Variants in PSG2 observed in about 807,000 individuals in gnomAD.
The protein encoded by PSG2 is pregnancy specific beta-1-glycoprotein 2, also known as pregnancy-specific beta-1-glycoprotein 2.
A neutral mutation model predicts 36.2 loss-of-function variants in PSG2; 49 were observed. The ratio of observed to expected loss-of-function variants is 1.35; its 90% confidence interval spans 1.08 to 1.72. The LOEUF (loss-of-function observed/expected upper bound fraction) is 1.72. Among genes scored for constraint, PSG2 ranks in the 40% most tolerant of loss-of-function variants. The probability of loss-of-function intolerance (pLI) is 0.00; values close to 1 mark genes in which losing one functional copy is unlikely to be tolerated. For synonymous variants in PSG2, 261 were observed against 155.6 expected (o/e 1.68, Z -5.04); for missense variants, 605 against 407.2 (o/e 1.49, Z -4.18).
rs1186480827 is a variant in PSG2 at position 43,064,227 on chromosome 19, T to G, written c.*415A>C. On this transcript the variant is annotated 3_prime_UTR_variant, in exon 6 of 6. Coordinates refer to ENST00000406487, the MANE Select transcript of PSG2 (RefSeq NM_031246.4). ...TTCTTACTGAACTTGTGCAAATAGC[T>G]TTATTACCATAAACATATGAATACT... 2 of 168,152 alleles carry G rather than the reference T, an allele frequency of 1.2e-5. No homozygotes were observed. Among genetic ancestry groups the G allele is most frequent in the African/African-American group, 4.8e-5 (2 of 41,514 alleles). 10.4% of individuals were successfully genotyped at this position (168,152 alleles called of 1,614,324 possible).
chr19:43,077,759 A>G (rs1187447359), intron 2 of PSG2, among the ~76,000 whole-genome samples: 2 of 151,818 alleles, frequency 1.3e-5, no homozygotes, highest in Non-Finnish European at 2.9e-5. Flanking sequence ...CTGTCAAAAC[A>G]AAATATTAAA....
rs748484412 is a variant in PSG2, at chr19:43,071,956, T to G, written c.710-2A>C. ...GAATTCTGGGGAGGTCTGGACCATC[T>G]GGAGCAAAGAGAATAAAGCCACAGG... On this transcript the variant is annotated splice_acceptor_variant, in intron 3 of 5. Coordinates refer to ENST00000406487, the MANE Select transcript of PSG2 (RefSeq NM_031246.4). LOFTEE classifies it high-confidence loss of function. The G allele has an allele frequency of 3.7e-6, 6 of 1,611,946 alleles. No homozygotes were observed. Among genetic ancestry groups the G allele is most frequent in the Non-Finnish European group, 5.1e-6 (6 of 1,178,946 alleles).
intron 4 of PSG2, among the ~76,000 whole-genome samples, chr19:43,069,012 C>T (rs1188965894): frequency 2.0e-5 from 3 of 151,532 alleles, no homozygotes; most frequent in Non-Finnish European, 4.4e-5. Context: ...AATTCAGTAA[C>T]GTTGCACAAT....
intron 4 of PSG2, among the ~76,000 whole-genome samples, chr19:43,068,143 A>C (rs1967766477): frequency 6.6e-6 from 1 of 151,482 alleles, no homozygotes; most frequent in Non-Finnish European, 1.5e-5. Context: ...TAAAATCAGA[A>C]ATGAAAATGG....
rs373579286 is a variant in PSG2 at position 43,082,455 on chromosome 19, C to A, written c.64+51G>T. 2.6e-5 allele frequency: 41 copies of A among 1,595,044 alleles called. 1 individual carries two copies. The African/African-American group carries it at 5.3e-4, about 21-fold the overall frequency. ...CCCATCCTCTCCAGGAGACCCCATCCAGTCACTCTTCTTCCTCCTCCTGTC... is the reference window on the plus strand; with the variant it reads ...CCCATCCTCTCCAGGAGACCCCATCAAGTCACTCTTCTTCCTCCTCCTGTC... On this transcript the variant is annotated intron_variant, in intron 1 of 5. Coordinates refer to ENST00000406487, the MANE Select transcript of PSG2 (RefSeq NM_031246.4).
At chr19:43,074,211 G>A (rs10420601) in intron 3 of PSG2, among the ~76,000 whole-genome samples, 7,056 of 151,522 alleles carry the variant, frequency 0.047, 739 homozygotes, top group African/African-American at 0.16. Flanking sequence ...ATTTAGGACG[G>A]AGTTTTCTAA....
rs1181076364 is a variant in PSG2 at position 43,075,287 on chromosome 19, G to A, written c.709+67C>T. ...TACTTGGACCTGAGAGGGACTGAGAGGCCTGGCCTCTGGCCATGTGTATTT... is the reference window on the plus strand; with the variant it reads ...TACTTGGACCTGAGAGGGACTGAGAAGCCTGGCCTCTGGCCATGTGTATTT... On this transcript the variant is annotated intron_variant, in intron 3 of 5. Transcript: ENST00000406487. 4.2e-5 allele frequency: 67 copies of A among 1,612,608 alleles called. 2 individuals are homozygous for A. The highest frequency in any genetic ancestry group is 5.6e-5 in the Non-Finnish European group (66 of 1,179,278).
intron 5 of PSG2, chr19:43,065,744 G>GA (rs1967730741): frequency 6.6e-6 from 1 of 151,696 alleles, no homozygotes; most frequent in Admixed American, 6.6e-5. Flanking sequence ...TGATCATCAG[G>GA]AAAAGATCTC....
chr19:43,082,301 T>C lies in PSG2; in HGVS notation c.64+205A>G. ...AATTACAGGAACACACGACAATACC[T>C]GGTTAATTTTTTGTATTTTTAGTAG... On this transcript the variant is annotated intron_variant, in intron 1 of 5. Coordinates refer to ENST00000406487, the MANE Select transcript of PSG2 (RefSeq NM_031246.4). 7 of 730,278 alleles carry C rather than the reference T, an allele frequency of 9.6e-6. 1 individual carries two copies. The South Asian group carries it at 1.3e-4, about 14-fold the overall frequency. 45.2% of individuals were successfully genotyped at this position (730,278 alleles called of 1,614,324 possible). A position where few individuals can be genotyped will look rare whatever the true frequency, so the allele number is the denominator to read the frequency against.
rs770853680 is a variant in PSG2, at chr19:43,081,101, C to A, written c.210G>T (p.Gly70=). Residue 70 remains glycine, a synonymous_variant, in exon 2 of 6, where the codon GGG becomes GGT. Transcript: ENST00000406487. ...QNLTGYIWYK[G]QIRDLYHYIT... ...TGTAATGGTAGAGGTCCCTGATTTG[C>A]CCTTTGTACCAGATGTAGCCAGTAA... is the stretch of plus-strand genomic sequence containing the variant. 6.2e-7 allele frequency: 1 copy of A among 1,612,770 alleles called. No individual in the cohort carries two copies. The highest frequency in any genetic ancestry group is 1.1e-5 in the South Asian group (1 of 91,032).
intron 2 of PSG2, among the ~76,000 whole-genome samples, chr19:43,079,867 G>A (rs569873151): frequency 1.3e-5 from 2 of 151,574 alleles, no homozygotes; most frequent in Admixed American, 1.3e-4. Flanking sequence ...GGAGAGGAAG[G>A]GCCTGTGGCT....
rs1483280384 is a variant in PSG2, at chr19:43,072,603, T to C, written c.710-649A>G. The C allele has an allele frequency of 6.8e-6, 11 of 1,611,604 alleles. No individual in the cohort carries two copies. In the Admixed American group the frequency reaches 1.8e-4, roughly 27 times the overall value. On this transcript the variant is annotated intron_variant, in intron 3 of 5. Coordinates refer to ENST00000406487, the MANE Select transcript of PSG2 (RefSeq NM_031246.4). ...TTCTCCCTGGGGTTTAAGTTGTTGA[T>C]GGTGATTTAGGGCTTGGGCAGCTTC...
chr19:43,079,949 C>T (rs1967948574), intron 2 of PSG2, among the ~76,000 whole-genome samples: 1 of 151,758 alleles, frequency 6.6e-6, no homozygotes, highest in South Asian at 2.1e-4. Context: ...CTGTGCCTTC[C>T]TGTGCCTCAG....
rs1451387548 is a variant in PSG2 at position 43,071,880 on chromosome 19, A to T, written c.784T>A (p.Phe262Ile). 1 of 1,613,070 alleles carries T rather than the reference A, an allele frequency of 6.2e-7. No individual in the cohort carries two copies. The highest frequency in any genetic ancestry group is 8.5e-7 in the Non-Finnish European group (1 of 1,179,510). ...TGTGCCGGTGGGTTAGAGTTCGCGA[A>T]GCAAGACAAGTAGAGGTTATCTCCT... ...RSGDNLYLSC[F>I]ANSNPPAQYS... The change falls in exon 4 of 6, where the codon TTC becomes ATC. Residue 262 changes from phenylalanine to isoleucine, a missense_variant. Phe to Ile is a conservative substitution (Grantham distance 21). Coordinates refer to ENST00000406487, the MANE Select transcript of PSG2 (RefSeq NM_031246.4).
intron 5 of PSG2, 84 bp from the exon 6 acceptor site, chr19:43,064,685 A>T: frequency 2.0e-6 from 1 of 488,164 alleles, no homozygotes. Context: ...AATGACAGAG[A>T]TTTAAACTGA....
rs770268003 is a variant in PSG2, at chr19:43,082,610, C to A, written c.-41G>T. 1.1e-5 allele frequency: 17 copies of A among 1,605,860 alleles called. No individual in the cohort carries two copies. The highest frequency in any genetic ancestry group is 1.4e-5 in the Non-Finnish European group (17 of 1,174,966). On this transcript the variant is annotated 5_prime_UTR_variant, in exon 1 of 6. It adds an upstream start codon to the 5' untranslated region. Transcript: ENST00000406487. ...TGTGTTCTCCTCTGTGGAGATGAGC[C>A]TAGGATCCAGAAACTTCCTGAGCAC...
At chr19:43,076,408 T>C (rs1475209565) in intron 2 of PSG2, among the ~76,000 whole-genome samples, 1 of 151,762 alleles carries the variant, frequency 6.6e-6, no homozygotes, top group Non-Finnish European at 1.5e-5. Flanking sequence ...GTGAGGACGA[T>C]GTGGACCTTT....
intron 2 of PSG2, among the ~76,000 whole-genome samples, chr19:43,077,558 A>G (rs1318270594): frequency 6.6e-6 from 1 of 151,674 alleles, no homozygotes; most frequent in African/African-American, 2.4e-5. Context: ...GTGTCTCCCC[A>G]CAAGAAGAAC....
chr19:43,073,165 C>G (rs1705407249), intron 3 of PSG2, among the ~76,000 whole-genome samples: 1 of 151,786 alleles, frequency 6.6e-6, no homozygotes, highest in Non-Finnish European at 1.5e-5. Context: ...CAGGGGAGAC[C>G]AGAGTCAAGC....
Sources: gnomAD v4.1 joint callset for allele counts (sites outside exome capture counted in the v4.1 genomes callset) on GRCh38, gnomAD v4.1.1 for gene constraint, MANE v1.5 for transcripts, NCBI Gene and HGNC (gene_info 2026-07-23, HGNC 2026-07-21) for gene names.